The following CPAMD8 variants were observed in gnomAD, a reference collection of about 807,000 sequenced individuals.
The protein encoded by CPAMD8 is C3 and PZP like alpha-2-macroglobulin domain containing 8, also known as C3 and PZP-like alpha-2-macroglobulin domain-containing protein 8.
A neutral mutation model predicts 224.7 loss-of-function variants in CPAMD8; 146 were observed. The observed-to-expected ratio is 0.65, with a 90% CI of 0.57 to 0.75. The LOEUF (loss-of-function observed/expected upper bound fraction) is 0.75. Ranked by LOEUF, CPAMD8 falls within the 30% of genes least tolerant of loss-of-function variation. The pLI, the probability that CPAMD8 is intolerant of heterozygous loss-of-function variation, is 0.00. For synonymous variants in CPAMD8, 966 were observed against 1,044.6 expected, an observed-to-expected ratio of 0.92 and a Z score of 1.45; for missense variants, 2,301 against 2,537.5, an observed-to-expected ratio of 0.91 and a Z score of 2.00.
At chr19:16,938,242 C>T (rs58642416) in intron 23 of CPAMD8, among the ~76,000 whole-genome samples, 153 bp downstream of exon 23, 2,601 of 152,278 alleles carry the variant, frequency 0.017, 71 homozygotes, top group African/African-American at 0.058. Context: ...GCTGGGACAT[C>T]GTTCTTCCTA....
At position 16,896,200 on chromosome 19, in the gene CPAMD8, T is replaced by A; in HGVS notation, c.5402A>T (p.Glu1801Val). The A allele has an allele frequency of 6.2e-7, 1 of 1,613,768 alleles. No homozygotes were observed. Among genetic ancestry groups the A allele is most frequent in the South Asian group, 1.1e-5 (1 of 91,078 alleles). The change falls in exon 41 of 42, where the codon GAG becomes GTG. Residue 1801 changes from glutamate (E) to valine (V), a missense_variant. Physicochemically the swap from Glu to Val is moderately radical, Grantham distance 121 (BLOSUM62 -2). Around this residue, in one of 4 missense-constraint regions of CPAMD8, gnomAD observed 1,709 missense variants for 1,753.2 expected, o/e 0.97. Coordinates refer to ENST00000443236, the MANE Select transcript of CPAMD8 (RefSeq NM_015692.5). ...AGLEVEDSDP[E>V]PEGEAEDRVT... ...CCTGTCCTCCGCCTCCCCTTCAGGC[T>A]CAGGGTCTGAGTCCTCCACCTCAAG...
At chr19:17,010,518 T>C (rs942524432) in intron 5 of CPAMD8, among the ~76,000 whole-genome samples, 1 of 152,120 alleles carries the variant, frequency 6.6e-6, no homozygotes, top group Non-Finnish European at 1.5e-5. Context: ...GGATTACAGA[T>C]GTGAGACACT....
At chr19:16,946,597 GCGT>G in intron 21 of CPAMD8, among the ~76,000 whole-genome samples, 1 of 149,344 alleles carries the variant, frequency 6.7e-6, no homozygotes, top group South Asian at 2.1e-4. Flanking sequence ...CTACACGTGG[GCGT>G]GTGTGTGTGG....
chr19:17,025,792 G>C (rs1442419404), intron 1 of CPAMD8, among the ~76,000 whole-genome samples: 1 of 152,204 alleles, frequency 6.6e-6, no homozygotes, highest in Admixed American at 6.5e-5. Context: ...TGGATGCTCA[G>C]AGCGCAGTAG....
chr19:17,011,785 C>A (rs774046801), intron 3 of CPAMD8, 28 bp from the exon 4 acceptor site: 33 of 1,604,824 alleles, frequency 2.1e-5, no homozygotes, highest in Non-Finnish European at 2.7e-5. Flanking sequence ...AGCTTTGGGA[C>A]AAGAATTCAC....
intron 13 of CPAMD8, among the ~76,000 whole-genome samples, chr19:16,987,179 A>AAAAT (rs1555784836): frequency 6.5e-4 from 35 of 53,918 alleles, no homozygotes; most frequent in East Asian, 1.6e-3. Context: ...AAAAAAAAAA[A>AAAAT]ATATATATAT....
At position 16,947,115 on chromosome 19, in the gene CPAMD8, A is replaced by T. The variant is rs1411309948; in HGVS notation, c.2621T>A (p.Val874Asp). 6.2e-7 allele frequency: 1 copy of T among 1,613,314 alleles called. No homozygotes were observed. Among genetic ancestry groups the T allele is most frequent in the Admixed American group, 1.7e-5 (1 of 59,948 alleles). ...TCCCAGGTCGCTGAAGGACAGAACG[A>T]CCCAGATGGGCTCAGCCTCCCCGGG... ...VAPGEAEPIW[V>D]VLSFSDLGLN... is the part of the protein sequence containing the mutation. Residue 874 changes from valine (V) to aspartate (D), a missense_variant, in exon 21 of 42, where the codon GTC becomes GAC. Val to Asp is a radical substitution (Grantham distance 152). Around this residue, in one of 4 missense-constraint regions of CPAMD8, gnomAD observed 1,709 missense variants for 1,753.2 expected, o/e 0.97. Coordinates refer to ENST00000443236, the MANE Select transcript of CPAMD8 (RefSeq NM_015692.5).
rs773816776 is a variant in CPAMD8 at position 16,971,064 on chromosome 19, T to G, written c.2071-31A>C. 13 of 1,563,148 alleles carry G rather than the reference T, an allele frequency of 8.3e-6. No homozygotes were observed. In the South Asian group the frequency reaches 1.5e-4, roughly 18 times the overall value. ...CAACAGACAACACCCAAACCATTGG[T>G]GGGGAAGTGGATGCTGACAGCCCCC... is the stretch of plus-strand genomic sequence containing the variant. On this transcript the variant is annotated intron_variant, in intron 17 of 41. Transcript: ENST00000443236.
At chr19:16,978,400 C>T (rs1395543193) in intron 14 of CPAMD8, among the ~76,000 whole-genome samples, 1 of 152,104 alleles carries the variant, frequency 6.6e-6, no homozygotes, top group Non-Finnish European at 1.5e-5. Flanking sequence ...GTGGGGAGTT[C>T]CAAGCCCAGG....
intron 29 of CPAMD8, among the ~76,000 whole-genome samples, 171 bp from the exon 30 acceptor site, chr19:16,907,288 C>T (rs993004033): frequency 3.5e-4 from 52 of 147,278 alleles, no homozygotes; most frequent in African/African-American, 1.3e-3. Context: ...AACCCCATCT[C>T]CTTTCTTTTC....
Position 16,897,931 on chromosome 19 carries a change from T to G in CPAMD8, c.4912A>C (p.Thr1638Pro). ...TACACGGAGACTGGCAGCGCCGACG[T>G]CCTGCCCACCACGCACTCCCGGAGA... ...RALRECVVGR[T>P]SALPVSVYDY... Residue 1638 changes from threonine (T) to proline (P), a missense_variant, in exon 38 of 42, where the codon ACG becomes CCG. This residue lies in a region of CPAMD8 where 1,709 missense variants were observed against 1,753.2 expected (regional missense o/e 0.97). Coordinates refer to ENST00000443236, the MANE Select transcript of CPAMD8 (RefSeq NM_015692.5). 6.2e-7 allele frequency: 1 copy of G among 1,610,900 alleles called. No individual in the cohort carries two copies. The highest frequency in any genetic ancestry group is 8.5e-7 in the Non-Finnish European group (1 of 1,179,320).
intron 3 of CPAMD8, among the ~76,000 whole-genome samples, chr19:17,014,381 A>G (rs1339709103): frequency 6.6e-6 from 1 of 151,910 alleles, no homozygotes; most frequent in Admixed American, 6.6e-5. Flanking sequence ...TTTTTTAAGC[A>G]GATGGGCAGA....
intron 18 of CPAMD8, among the ~76,000 whole-genome samples, chr19:16,966,963 A>G (rs983649200): frequency 1.2e-4 from 19 of 152,096 alleles, no homozygotes; most frequent in African/African-American, 3.9e-4. Context: ...TAGAAATACC[A>G]TTTCACCCAG....
intron 22 of CPAMD8, among the ~76,000 whole-genome samples, chr19:16,944,419 A>G (rs1056192217): frequency 6.6e-6 from 1 of 152,184 alleles, no homozygotes; most frequent in African/African-American, 2.4e-5. Context: ...GCTCCAGGGA[A>G]GGAGACCCTC....
chr19:16,900,269 G>T (rs2052200045), intron 36 of CPAMD8, among the ~76,000 whole-genome samples: 2 of 152,124 alleles, frequency 1.3e-5, no homozygotes, highest in African/African-American at 4.8e-5. Flanking sequence ...CAAAGCACAT[G>T]GAACTTTGCT....
At chr19:16,955,248 T>C (rs1379017103) in intron 19 of CPAMD8, among the ~76,000 whole-genome samples, 1 of 151,564 alleles carries the variant, frequency 6.6e-6, no homozygotes, top group Non-Finnish European at 1.5e-5. Flanking sequence ...TGAGCCGAGA[T>C]TGTGCCACTG....
chr19:17,014,936 A>G (rs1338861113), intron 3 of CPAMD8, among the ~76,000 whole-genome samples: 2 of 152,176 alleles, frequency 1.3e-5, no homozygotes, highest in Admixed American at 1.3e-4. Flanking sequence ...ATGTGCACCC[A>G]CCTGTTCCTA....
At chr19:16,970,856 G>A (rs2055035024) in intron 18 of CPAMD8, 35 bp downstream of exon 18, 1 of 1,605,298 alleles carries the variant, frequency 6.2e-7, no homozygotes, top group African/African-American at 1.3e-5. Flanking sequence ...ATAGGACCAG[G>A]GTTAGAAAAC....
chr19:16,913,981 C>G (rs1055484731), intron 29 of CPAMD8, among the ~76,000 whole-genome samples: 1 of 152,142 alleles, frequency 6.6e-6, no homozygotes, highest in Non-Finnish European at 1.5e-5. Context: ...CTTGGGCCAT[C>G]TAAGCCCCAT....
Sources: gnomAD v4.1 joint callset for allele counts (sites outside exome capture counted in the v4.1 genomes callset) on GRCh38, gnomAD v4.1.1 for gene constraint, gnomAD v4.1.1 regional missense constraint, MANE v1.5 for transcripts, NCBI Gene and HGNC (gene_info 2026-07-23, HGNC 2026-07-21) for gene names.